Variants in LIN7A observed in about 807,000 individuals in gnomAD.
LIN7A encodes the protein lin-7 cell polarity scaffold A.
Under a neutral mutation model 29.8 loss-of-function variants are expected in LIN7A, and 25 were observed. The ratio of observed to expected loss-of-function variants is 0.84; its 90% CI spans 0.61 to 1.17. The LOEUF is 1.17. LIN7A is among the 50% of genes most tolerant of loss of function. The probability of loss-of-function intolerance (pLI) is 0.00; values close to 1 mark genes in which losing one functional copy is unlikely to be tolerated. For missense variants in LIN7A, 239 were observed against 287.0 expected (o/e 0.83, Z 1.21); for synonymous variants, 118 against 107.5 (o/e 1.10, Z -0.60).
intron 3 of LIN7A, among the ~76,000 whole-genome samples, chr12:80,846,273 C>T (rs1217100222): frequency 6.6e-6 from 1 of 152,162 alleles, no homozygotes; most frequent in Non-Finnish European, 1.5e-5. Context: ...TATGTACTAT[C>T]TACTATTATA....
chr12:80,832,763 T>G, intron 4 of LIN7A: 1 of 386,442 alleles, frequency 2.6e-6, no homozygotes, highest in South Asian at 1.9e-5. Context: ...AATGTGTGCA[T>G]TTTTCAGATT....
intron 4 of LIN7A, among the ~76,000 whole-genome samples, chr12:80,842,481 C>G (rs760909800): frequency 1.3e-5 from 2 of 152,116 alleles, no homozygotes; most frequent in Non-Finnish European, 2.9e-5. Context: ...CCCTCCAAAG[C>G]ACTTCCTTTC....
Position 80,889,302 on chromosome 12 carries a change from T to G in LIN7A, c.150A>C (p.Leu50=). Residue 50 remains leucine (L), a synonymous_variant, in exon 2 of 6, where the codon CTA becomes CTC. Coordinates refer to ENST00000552864, the MANE Select transcript of LIN7A (RefSeq NM_004664.4). ...QESGEVPVHK[L]QSLKKVLQSE... ...TCTGAAGCACTTTTTTGAGGGATTG[T>G]AGCTTGTGCACTGGTACTTCTCCAG... is the stretch of plus-strand genomic sequence containing the variant. 1 of 1,613,034 alleles carries G rather than the reference T, an allele frequency of 6.2e-7. No individual in the cohort carries two copies. Among genetic ancestry groups the G allele is most frequent in the Admixed American group, 1.7e-5 (1 of 59,916 alleles).
chr12:80,880,681 G>A (rs1395122927), intron 2 of LIN7A, among the ~76,000 whole-genome samples: 2 of 151,558 alleles, frequency 1.3e-5, no homozygotes, highest in African/African-American at 4.8e-5. Context: ...TACTCCATAT[G>A]TACTTGCAGT....
intron 4 of LIN7A, chr12:80,842,144 C>G: frequency 7.8e-7 from 1 of 1,281,358 alleles, no homozygotes; most frequent in Non-Finnish European, 1.0e-6. Flanking sequence ...AGGAAAAAAT[C>G]AATTGTTCAA....
At chr12:80,858,013 T>A (rs1337103893) in intron 2 of LIN7A, among the ~76,000 whole-genome samples, 1 of 152,190 alleles carries the variant, frequency 6.6e-6, no homozygotes, top group Non-Finnish European at 1.5e-5. Flanking sequence ...TGGCACATCC[T>A]TTTATTTGAT....
intron 4 of LIN7A, among the ~76,000 whole-genome samples, chr12:80,831,745 G>A (rs543304555): frequency 1.4e-4 from 22 of 152,322 alleles, no homozygotes; most frequent in Middle Eastern, 3.4e-3. Context: ...CACGACTCAT[G>A]TGAAATGGTG....
intron 1 of LIN7A, among the ~76,000 whole-genome samples, chr12:80,927,155 CTT>C (rs929026269): frequency 4.4e-4 from 33 of 75,538 alleles, no homozygotes; most frequent in African/African-American, 1.6e-3. Context: ...TTTTCTTTTT[CTT>C]TTTTTTTTTT....
At chr12:80,913,364 C>T (rs1189241538) in intron 1 of LIN7A, among the ~76,000 whole-genome samples, 8 of 152,216 alleles carry the variant, frequency 5.3e-5, no homozygotes, top group African/African-American at 1.9e-4. Flanking sequence ...AATTCCTACA[C>T]TTTCCATGAT....
chr12:80,883,510 G>A (rs973093069), intron 2 of LIN7A, among the ~76,000 whole-genome samples: 2 of 152,018 alleles, frequency 1.3e-5, no homozygotes, highest in African/African-American at 4.8e-5. Context: ...TGTTTTCTTC[G>A]ATTCAGCTTA....
chr12:80,932,456 G>T (rs558503871), intron 1 of LIN7A, among the ~76,000 whole-genome samples: 1 of 152,286 alleles, frequency 6.6e-6, no homozygotes, highest in East Asian at 1.9e-4. Context: ...TTTGCAACTT[G>T]TCCAAAATGA....
At chr12:80,937,345 A>G (rs1244403064) in intron 1 of LIN7A, 3 of 333,954 alleles carry the variant, frequency 9.0e-6, no homozygotes, top group Admixed American at 4.9e-5. Context: ...GCTCCAACAA[A>G]GCCAGAGGAC....
chr12:80,827,312 G>T (rs895621002), intron 4 of LIN7A, among the ~76,000 whole-genome samples: 1 of 152,006 alleles, frequency 6.6e-6, no homozygotes, highest in Non-Finnish European at 1.5e-5. Flanking sequence ...GCGTGAACCC[G>T]GGAGGCGGAG....
At chr12:80,875,858 G>A (rs553047147) in intron 2 of LIN7A, among the ~76,000 whole-genome samples, 17 of 152,122 alleles carry the variant, frequency 1.1e-4, no homozygotes, top group African/African-American at 4.1e-4. Flanking sequence ...ACTTTAATAA[G>A]ATAGATAGAG....
At chr12:80,820,479 C>G (rs1456262909) in intron 4 of LIN7A, among the ~76,000 whole-genome samples, 1 of 152,156 alleles carries the variant, frequency 6.6e-6, no homozygotes, top group African/African-American at 2.4e-5. Context: ...ATTTGGTTGA[C>G]CTCAGCCCAC....
intron 1 of LIN7A, among the ~76,000 whole-genome samples, chr12:80,891,647 T>C (rs1171725880): frequency 1.3e-5 from 2 of 152,090 alleles, no homozygotes; most frequent in African/African-American, 4.8e-5. Flanking sequence ...AGACATGCAA[T>C]AAAGTGGGTG....
chr12:80,842,118 C>G (rs1872850375), intron 4 of LIN7A: 2 of 1,287,526 alleles, frequency 1.6e-6, no homozygotes, highest in Non-Finnish European at 2.0e-6. Context: ...CTGTTTTTGA[C>G]TTCTTAGAAG....
intron 5 of LIN7A, among the ~76,000 whole-genome samples, chr12:80,803,869 A>T: frequency 6.6e-6 from 1 of 152,210 alleles, no homozygotes; most frequent in South Asian, 2.1e-4. Context: ...TAACTGCATA[A>T]GACTGAATCC....
At chr12:80,856,908 C>CT (rs1312960753) in intron 2 of LIN7A, among the ~76,000 whole-genome samples, 1 of 152,178 alleles carries the variant, frequency 6.6e-6, no homozygotes, top group African/African-American at 2.4e-5. Context: ...AAACGTGATA[C>CT]TTTGGGATTA....
Sources: gnomAD v4.1 joint callset for allele counts (sites outside exome capture counted in the v4.1 genomes callset) on GRCh38, gnomAD v4.1.1 for gene constraint, MANE v1.5 for transcripts, NCBI Gene and HGNC (gene_info 2026-07-23, HGNC 2026-07-21) for gene names.